The following CYRIB variants were observed in gnomAD, a reference collection of about 807,000 sequenced individuals.
CYRIB encodes CYFIP related Rac1 interactor B.
CYRIB carries 8 observed loss-of-function variants against 44.2 expected under a neutral mutation model. That is an observed-to-expected ratio of 0.18 (90% CI 0.11 to 0.33). The LOEUF is 0.33. Among genes scored for constraint, CYRIB ranks in the 10% least tolerant of loss-of-function variants. The pLI is 1.00. For synonymous variants in CYRIB, 131 were observed against 127.2 expected, an observed-to-expected ratio of 1.03 and a Z score of -0.20; for missense variants, 185 against 382.8, an observed-to-expected ratio of 0.48 and a Z score of 4.31.
chr8:129,964,535 C>T (rs1312604533), intron 2 of CYRIB, among the ~76,000 whole-genome samples: 1 of 152,208 alleles, frequency 6.6e-6, no homozygotes, highest in Admixed American at 6.5e-5. Context: ...TTCCCTTCCT[C>T]TACCTGCATG....
At chr8:129,973,359 T>G (rs536444080) in intron 1 of CYRIB, among the ~76,000 whole-genome samples, 1 of 152,356 alleles carries the variant, frequency 6.6e-6, no homozygotes, top group East Asian at 1.9e-4. Context: ...CAAGTTAGAC[T>G]GCTGGTCCAT....
rs1052249012 is a variant in CYRIB at position 129,842,214 on chromosome 8, AG to A, written c.912-10del. ...AATGTTTTGTTGTGTACCTAAAAAA[AG>A]AAAAGAAAAAAGATCAATTTTAGGA... On this transcript the variant is annotated splice_polypyrimidine_tract_variant and intron_variant, in intron 11 of 11. Transcript: ENST00000519824. The A allele has an allele frequency of 2.5e-6, 4 of 1,597,820 alleles. No homozygotes were observed. In the African/African-American group the frequency reaches 4.0e-5, roughly 16 times the overall value.
intron 4 of CYRIB, among the ~76,000 whole-genome samples, chr8:129,864,048 C>G (rs527364532): frequency 6.6e-6 from 1 of 152,226 alleles, no homozygotes; most frequent in Non-Finnish European, 1.5e-5. Context: ...TGAACCCAGA[C>G]AGATCTAACG....
At position 129,896,223 on chromosome 8, in the gene CYRIB, C is replaced by A. The variant is rs543146299; in HGVS notation, c.-11+7089G>T. 5.6e-4 allele frequency among the ~76,000 whole-genome samples: 85 copies of A among 152,190 alleles called. 1 individual carries two copies. The South Asian group carries it at 8.7e-3, about 16-fold the overall frequency. On this transcript the variant is annotated intron_variant, in intron 2 of 11. Transcript: ENST00000519824. ...TTCAAGTAAAAAGCAGCTTATTTAT[C>A]CAAAAAGAGAATACCTAAACTAAGG...
intron 3 of CYRIB, among the ~76,000 whole-genome samples, chr8:129,875,775 C>A (rs941501253): frequency 1.3e-5 from 2 of 152,092 alleles, no homozygotes; most frequent in Non-Finnish European, 2.9e-5. Context: ...TCAAAACATT[C>A]TAATTCACTC....
intron 4 of CYRIB, 59 bp from the exon 7 acceptor site, chr8:129,862,393 ACATT>A: frequency 7.6e-7 from 1 of 1,315,482 alleles, no homozygotes. Context: ...GTTCATTTTT[ACATT>A]AAAATGTAGG....
intron 5 of CYRIB, among the ~76,000 whole-genome samples, chr8:129,857,559 T>C (rs550760432): frequency 1.4e-4 from 22 of 152,326 alleles, no homozygotes; most frequent in African/African-American, 4.8e-4. Flanking sequence ...TTTGGCATCC[T>C]AATGTCCCTA....
At chr8:130,008,505 G>C (rs905058279) in intron 1 of CYRIB, 2 of 154,232 alleles carry the variant, frequency 1.3e-5, no homozygotes, top group African/African-American at 4.8e-5. Flanking sequence ...GGACATGTGT[G>C]GGGTGACTGT....
At chr8:129,924,783 T>C (rs2086444867) in intron 1 of CYRIB, among the ~76,000 whole-genome samples, 1 of 151,820 alleles carries the variant, frequency 6.6e-6, no homozygotes, top group Non-Finnish European at 1.5e-5. Flanking sequence ...CTGGGCAACA[T>C]AGGGAGAACC....
At chr8:129,929,273 A>G (rs1186025313) in intron 1 of CYRIB, among the ~76,000 whole-genome samples, 1 of 151,890 alleles carries the variant, frequency 6.6e-6, no homozygotes, top group East Asian at 1.9e-4. Context: ...AGAGGGAGAC[A>G]CGGGGAGAAG....
chr8:129,936,542 A>G (rs531634520), intron 1 of CYRIB, among the ~76,000 whole-genome samples: 1 of 152,302 alleles, frequency 6.6e-6, no homozygotes, highest in East Asian at 1.9e-4. Flanking sequence ...CCAATAAATT[A>G]TTTGAATTCA....
At chr8:129,867,604 G>C (rs1368193320) in intron 4 of CYRIB, among the ~76,000 whole-genome samples, 1 of 151,350 alleles carries the variant, frequency 6.6e-6, no homozygotes, top group Non-Finnish European at 1.5e-5. Context: ...ATTATTTAAA[G>C]TAAAATATAT....
chr8:129,864,609 G>A (rs1186227089), intron 4 of CYRIB: 1 of 183,270 alleles, frequency 5.5e-6, no homozygotes, highest in African/African-American at 2.4e-5. Context: ...CCAATAAAGT[G>A]TGCAGACTAG....
rs2097164517 is a variant in CYRIB, at chr8:130,009,005, G to A, written c.-296+7365C>T. Reference sequence around the variant, plus strand: ...GGACTCAAATTACTGAGCACTCACTGATGCTAGACCCTATGTCAGGCATAT... The same window carrying A: ...GGACTCAAATTACTGAGCACTCACTAATGCTAGACCCTATGTCAGGCATAT... On this transcript the variant is annotated intron_variant, in intron 1 of 14. Transcript: ENST00000401979. 2.6e-5 allele frequency among the ~76,000 whole-genome samples: 4 copies of A among 152,312 alleles called. No individual in the cohort carries two copies. In the South Asian group the frequency reaches 8.3e-4, roughly 32 times the overall value.
In CYRIB at chr8:129,843,644, C is replaced by T. The variant is rs376533319; in HGVS notation, c.912-1439G>A. On this transcript the variant is annotated intron_variant, in intron 11 of 11. Transcript: ENST00000519824. ...CTTCAATTCCTGGGCTCAAGCAATC[C>T]TCCTGCCTTGGGCTCACAAGTAGCT... is the stretch of plus-strand genomic sequence containing the variant. 2.4e-4 allele frequency among the ~76,000 whole-genome samples: 37 copies of T among 152,320 alleles called. No individual in the cohort carries two copies. In the East Asian group the frequency reaches 5.2e-3, roughly 21 times the overall value.
At chr8:129,874,364 T>C (rs1343034007) in intron 3 of CYRIB, among the ~76,000 whole-genome samples, 1 of 151,908 alleles carries the variant, frequency 6.6e-6, no homozygotes, top group Non-Finnish European at 1.5e-5. Flanking sequence ...GGGTGGAGGG[T>C]AGAAAAAGAG....
chr8:129,993,605 G>A (rs761815892), intron 1 of CYRIB, among the ~76,000 whole-genome samples: 16 of 151,884 alleles, frequency 1.1e-4, no homozygotes, highest in African/African-American at 3.6e-4. Flanking sequence ...GCTGAGGCAG[G>A]AGAATCGCTG....
chr8:129,888,419 CA>C (rs1210479066), intron 2 of CYRIB, among the ~76,000 whole-genome samples: 1 of 151,890 alleles, frequency 6.6e-6, no homozygotes, highest in African/African-American at 2.4e-5. Flanking sequence ...CAGACTAAAA[CA>C]GAGGTCCCAC....
upstream of CYRIB, among the ~76,000 whole-genome samples, chr8:129,943,812 G>T (rs2093931134): frequency 6.7e-6 from 1 of 149,532 alleles, no homozygotes; most frequent in South Asian, 2.2e-4. Flanking sequence ...TGTTAGCCAG[G>T]ATGGTCTCGA....
Sources: gnomAD v4.1 joint callset for allele counts (sites outside exome capture counted in the v4.1 genomes callset) on GRCh38, gnomAD v4.1.1 for gene constraint, MANE v1.5 for transcripts, NCBI Gene and HGNC (gene_info 2026-07-23, HGNC 2026-07-21) for gene names.